Variants in MLLT10 observed in about 807,000 individuals in gnomAD.
The protein encoded by MLLT10 is MLLT10 histone lysine methyltransferase DOT1L cofactor.
A neutral mutation model predicts 129.1 loss-of-function variants in MLLT10; 30 were observed. The observed-to-expected ratio is 0.23, with a 90% CI of 0.17 to 0.32. MLLT10 has a LOEUF of 0.32. Ranked by LOEUF, MLLT10 falls within the 10% of genes least tolerant of loss-of-function variation. MLLT10 has a pLI of 1.00. For missense variants in MLLT10, 1,119 were observed against 1,268.3 expected, an observed-to-expected ratio of 0.88 and a Z score of 1.79; for synonymous variants, 490 against 446.4, an observed-to-expected ratio of 1.10 and a Z score of -1.23.
chr10:21,636,987 A>T (rs2047521826), intron 8 of MLLT10, among the ~76,000 whole-genome samples: 1 of 152,126 alleles, frequency 6.6e-6, no homozygotes, highest in Non-Finnish European at 1.5e-5. Context: ...TTCCTTCCTC[A>T]TAAGGCCTTA....
At chr10:21,669,862 GAT>G (rs2051205201) in intron 9 of MLLT10, among the ~76,000 whole-genome samples, 1 of 152,016 alleles carries the variant, frequency 6.6e-6, no homozygotes, top group East Asian at 1.9e-4. Context: ...TTACCTTTGC[GAT>G]ATATAACTTT....
chr10:21,607,337 T>G (rs1310261970), intron 5 of MLLT10, among the ~76,000 whole-genome samples: 2 of 149,502 alleles, frequency 1.3e-5, no homozygotes, highest in East Asian at 3.9e-4. Flanking sequence ...TTTTTTTTTT[T>G]GAGATGGAGT....
intron 21 of MLLT10, among the ~76,000 whole-genome samples, chr10:21,737,302 T>C (rs1249645792): frequency 2.0e-5 from 3 of 152,204 alleles, no homozygotes; most frequent in African/African-American, 7.2e-5. Context: ...GAAGTAAAGA[T>C]AGCATATGGG....
chr10:21,654,165 A>G (rs755835458), intron 9 of MLLT10, among the ~76,000 whole-genome samples: 40 of 152,214 alleles, frequency 2.6e-4, no homozygotes, highest in Non-Finnish European at 4.7e-4. Flanking sequence ...CAAAAGCCTG[A>G]TTGGAGTGCT....
rs556534335 is a variant in MLLT10 at position 21,577,820 on chromosome 10, T to C, written c.241-8474T>C. The stretch of plus-strand genomic sequence containing the variant: ...TCTCTTTGCCAACATTTTTTATTGT[T>C]TGGCTTTTGGTTTTAGCTATCCTAC... On this transcript the variant is annotated intron_variant, in intron 3 of 22. Transcript: ENST00000307729. 2.0e-5 allele frequency among the ~76,000 whole-genome samples: 3 copies of C among 152,228 alleles called. No homozygotes were observed. In the East Asian group the frequency reaches 5.8e-4, roughly 29 times the overall value.
intron 3 of MLLT10, among the ~76,000 whole-genome samples, chr10:21,549,726 G>T (rs1018451569): frequency 4.0e-5 from 6 of 148,768 alleles, no homozygotes; most frequent in African/African-American, 1.2e-4. Context: ...CAGTGGCCGC[G>T]ATCCTCTACT....
chr10:21,633,074 A>G (rs1401420631), intron 8 of MLLT10, among the ~76,000 whole-genome samples: 1 of 152,226 alleles, frequency 6.6e-6, no homozygotes, highest in African/African-American at 2.4e-5. Context: ...CATATTTAGA[A>G]ACCATGTAAA....
intron 13 of MLLT10, among the ~76,000 whole-genome samples, chr10:21,692,471 A>G (rs562648899): frequency 2.7e-5 from 4 of 150,504 alleles, no homozygotes; most frequent in African/African-American, 9.8e-5. Flanking sequence ...CGCCTGGCCT[A>G]TTGTTCTGCC....
intron 4 of MLLT10, among the ~76,000 whole-genome samples, chr10:21,588,088 T>C (rs949174339): frequency 2.0e-5 from 3 of 152,206 alleles, no homozygotes; most frequent in East Asian, 1.9e-4. Flanking sequence ...TTTCTTTTTT[T>C]TGAAGCTTCG....
chr10:21,649,182 C>A (rs1221031810), intron 8 of MLLT10, among the ~76,000 whole-genome samples: 1 of 152,172 alleles, frequency 6.6e-6, no homozygotes, highest in Non-Finnish European at 1.5e-5. Context: ...CTCAAGCAAT[C>A]CTCCCGCCTT....
intron 10 of MLLT10, 27 bp from the exon 11 acceptor site, chr10:21,673,323 T>A: frequency 2.7e-6 from 2 of 741,248 alleles, no homozygotes; most frequent in Non-Finnish European, 1.8e-6. Flanking sequence ...CCCAACTTTT[T>A]TTTTTTTTTT....
rs745986348 is a variant in MLLT10 at position 21,713,993 on chromosome 10, C to A, written c.1878+43C>A. ...CATGTGACAGGTAATAGGTGGGTTTCTCATTTTTAAAGTGAGTTTTGTTGG... is the reference window on the plus strand; with the variant it reads ...CATGTGACAGGTAATAGGTGGGTTTATCATTTTTAAAGTGAGTTTTGTTGG... On this transcript the variant is annotated intron_variant, in intron 14 of 22. Transcript: ENST00000307729. The A allele has an allele frequency of 7.9e-6, 12 of 1,528,184 alleles. 1 individual carries two copies. In the South Asian group the frequency reaches 1.0e-4, roughly 13 times the overall value. 94.7% of individuals were successfully genotyped at this position (1,528,184 alleles called of 1,614,324 possible). A position where few individuals can be genotyped will look rare whatever the true frequency, so the allele number is the denominator to read the frequency against.
At chr10:21,541,325 C>G (rs1239558674) in intron 3 of MLLT10, 1 of 152,148 alleles carries the variant, frequency 6.6e-6, no homozygotes, top group East Asian at 1.9e-4. Flanking sequence ...TCAAGAGATC[C>G]TCCTGCCGCA....
chr10:21,634,865 T>C (rs531029046), intron 8 of MLLT10, among the ~76,000 whole-genome samples: 103 of 152,378 alleles, frequency 6.8e-4, no homozygotes, highest in African/African-American at 2.4e-3. Context: ...TCCTTCAACT[T>C]GGCACTTGTG....
At chr10:21,612,658 T>C (rs2044771103) in intron 6 of MLLT10, among the ~76,000 whole-genome samples, 1 of 152,214 alleles carries the variant, frequency 6.6e-6, no homozygotes, top group African/African-American at 2.4e-5. Context: ...TGGACTCTGG[T>C]TCTGATGTTT....
chr10:21,685,423 C>T (rs1005002756), intron 13 of MLLT10, among the ~76,000 whole-genome samples: 2 of 152,126 alleles, frequency 1.3e-5, no homozygotes, highest in Non-Finnish European at 2.9e-5. Flanking sequence ...CAACCTCTGC[C>T]TCCTGAATTC....
At chr10:21,600,469 A>G (rs1251134677) in intron 5 of MLLT10, among the ~76,000 whole-genome samples, 1 of 152,102 alleles carries the variant, frequency 6.6e-6, no homozygotes, top group African/African-American at 2.4e-5. Context: ...ACTTATGTTC[A>G]TGAAACATAT....
chr10:21,636,755 G>A (rs928270567), intron 8 of MLLT10, among the ~76,000 whole-genome samples: 5 of 151,654 alleles, frequency 3.3e-5, no homozygotes, highest in African/African-American at 1.2e-4. Flanking sequence ...TGTATTTTTA[G>A]TAGCTTTTTT....
At position 21,735,250 on chromosome 10, in the gene MLLT10, TTGA is replaced by T; in HGVS notation, c.2955+17_2955+19del. On this transcript the variant is annotated intron_variant, in intron 21 of 22. Coordinates refer to ENST00000307729, the MANE Select transcript of MLLT10 (RefSeq NM_001195626.3). The stretch of plus-strand genomic sequence containing the variant: ...AGCTCACACCAGTAAGTTCTTTCTT[TTGA>T]TAATATCTTATTAGGAGCATGTGTT... 6.4e-7 allele frequency: 1 copy of T among 1,569,564 alleles called. No homozygotes were observed. Among genetic ancestry groups the T allele is most frequent in the Non-Finnish European group, 8.8e-7 (1 of 1,140,676 alleles).
Sources: allele counts gnomAD v4.1 joint callset (sites outside exome capture counted in the v4.1 genomes callset), GRCh38; gene constraint gnomAD v4.1.1; transcripts MANE v1.5; gene names NCBI Gene and HGNC (gene_info 2026-07-23, HGNC 2026-07-21).